Variants in REV3L observed in about 807,000 individuals in gnomAD.
REV3L encodes REV3 like, DNA directed polymerase zeta catalytic subunit.
In REV3L, 69 loss-of-function variants were observed where a neutral mutation model predicts 299.4. The ratio of observed to expected loss-of-function variants is 0.23; its 90% CI spans 0.19 to 0.28. The LOEUF is 0.28. Ranked by LOEUF, REV3L falls within the 10% of genes least tolerant of loss-of-function variation. The pLI, the probability that REV3L is intolerant of heterozygous loss-of-function variation, is 1.00. For synonymous variants in REV3L, 1,238 were observed against 1,271.4 expected, an observed-to-expected ratio of 0.97 and a Z score of 0.56; for missense variants, 3,128 against 3,693.8, an observed-to-expected ratio of 0.85 and a Z score of 3.97.
rs375270564 is a variant in REV3L, at chr6:111,373,871, G to A, written c.4484C>T (p.Ser1495Leu). The change falls in exon 13 of 32, where the codon TCG becomes TTG. Residue 1495 changes from serine to leucine, a missense_variant. By Grantham distance (145) the Ser-to-Leu change is moderately radical. This residue lies in a region of REV3L where 2,409 missense variants were observed against 2,611.8 expected (regional missense o/e 0.92). Transcript: ENST00000368802. ...GGTTTGTGAAATTGCTTCTGATAAC[G>A]ACCTCGGTTTTACTCTTTCAGGTTT... ...NFKPERVKPR[S>L]LSEAISQTKA... 6 of 1,613,848 alleles carry A rather than the reference G, an allele frequency of 3.7e-6. No homozygotes were observed. In the African/African-American group the frequency reaches 4.0e-5, roughly 11 times the overall value.
chr6:111,388,999 G>C (rs750834487), intron 7 of REV3L, 107 bp downstream of exon 7: 63 of 773,046 alleles, frequency 8.1e-5, no homozygotes, highest in Non-Finnish European at 1.2e-4. Context: ...AAAATATAAA[G>C]GTCATTTGAA....
Position 111,367,646 on chromosome 6 carries a change from C to A in REV3L, c.6142G>T (p.Val2048Leu). 2 of 1,614,154 alleles carry A rather than the reference C, an allele frequency of 1.2e-6. No individual in the cohort carries two copies. Among genetic ancestry groups the A allele is most frequent in the Admixed American group, 3.3e-5 (2 of 60,016 alleles). ...CTTACATCCATTTTTGGAGGCACTA[C>A]AGGTTTGTCATCTGGGTTAACTGAA... ...SSSVNPDDKP[V>L]VPPKMDVSPC... Residue 2048 changes from valine (V) to leucine (L), a missense_variant, in exon 14 of 32, where the codon GTA (valine) becomes TTA (leucine). Physicochemically the swap from Val to Leu is conservative, Grantham distance 32. Coordinates refer to ENST00000368802, the MANE Select transcript of REV3L (RefSeq NM_001372078.1).
intron 1 of REV3L, among the ~76,000 whole-genome samples, chr6:111,452,674 G>A (rs986355794): frequency 6.6e-6 from 1 of 152,082 alleles, no homozygotes; most frequent in Non-Finnish European, 1.5e-5. Flanking sequence ...GGAGCACAAG[G>A]GAACTTTTTA....
chr6:111,412,527 T>TA (rs113090957), intron 2 of REV3L, among the ~76,000 whole-genome samples: 8 of 152,250 alleles, frequency 5.3e-5, no homozygotes, highest in African/African-American at 1.9e-4. Context: ...AGTGGTCTGT[T>TA]AATACACGGT....
intron 31 of REV3L, among the ~76,000 whole-genome samples, chr6:111,301,868 T>C (rs140150547): frequency 6.6e-6 from 1 of 152,260 alleles, no homozygotes; most frequent in East Asian, 1.9e-4. Flanking sequence ...TTAAAAAGGA[T>C]GCCAATGAAG....
At chr6:111,439,075 T>C (rs115713299) in intron 1 of REV3L, among the ~76,000 whole-genome samples, 5,464 of 152,286 alleles carry the variant, frequency 0.036, 327 homozygotes, top group African/African-American at 0.12. Context: ...TTTTGCATTG[T>C]TGGAATTTGC....
intron 1 of REV3L, among the ~76,000 whole-genome samples, chr6:111,426,176 A>G (rs944354359): frequency 1.3e-5 from 2 of 152,164 alleles, no homozygotes; most frequent in Non-Finnish European, 2.9e-5. Flanking sequence ...TAGGGTATAC[A>G]TTAGTAGTAG....
At chr6:111,342,348 A>G (rs1776581706) in intron 21 of REV3L, among the ~76,000 whole-genome samples, 1 of 152,124 alleles carries the variant, frequency 6.6e-6, no homozygotes, top group South Asian at 2.1e-4. Flanking sequence ...TGGGAAGAGC[A>G]GGAGTGCTGA....
upstream of REV3L, chr6:111,483,521 G>A (rs528148869): frequency 8.1e-5 from 42 of 517,716 alleles, no homozygotes; most frequent in South Asian, 6.6e-4. Flanking sequence ...CGAGGGGCTT[G>A]CGGGAGGGGG....
chr6:111,412,766 TAA>T lies in REV3L; in HGVS notation c.330-1214_330-1213del, dbSNP rs61259712. 2.2e-3 allele frequency among the ~76,000 whole-genome samples: 316 copies of T among 144,382 alleles called. 1 individual carries two copies. The highest frequency in any genetic ancestry group is 7.5e-3 in the African/African-American group (292 of 38,976). 94.7% of individuals were successfully genotyped at this position (144,382 alleles called of 152,430 possible). A position where few individuals can be genotyped will look rare whatever the true frequency, so the allele number is the denominator to read the frequency against. ...ATTATTGTTATAAAGTAATTTCTGT[TAA>T]AAAAAAAAAAAAACAACTATTTACC... On this transcript the variant is annotated intron_variant, in intron 2 of 31. Coordinates refer to ENST00000368802, the MANE Select transcript of REV3L (RefSeq NM_001372078.1).
chr6:111,410,260 A>G (rs2128279647), intron 3 of REV3L, among the ~76,000 whole-genome samples: 1 of 152,370 alleles, frequency 6.6e-6, no homozygotes, highest in East Asian at 1.9e-4. Context: ...CCATTAATAA[A>G]TCAGGAATTT....
chr6:111,412,168 C>T, intron 2 of REV3L: 1 of 985,284 alleles, frequency 1.0e-6, no homozygotes, highest in Non-Finnish European at 1.2e-6. Context: ...AAACCTGTAA[C>T]ACACAACCAT....
At chr6:111,444,781 T>C (rs997546580) in intron 1 of REV3L, among the ~76,000 whole-genome samples, 1 of 152,188 alleles carries the variant, frequency 6.6e-6, no homozygotes, top group Non-Finnish European at 1.5e-5. Flanking sequence ...TTAGACTTAT[T>C]TGAAAGGAAA....
chr6:111,401,750 A>C (rs1783103786), intron 4 of REV3L, among the ~76,000 whole-genome samples: 1 of 152,226 alleles, frequency 6.6e-6, no homozygotes, highest in African/African-American at 2.4e-5. Context: ...TGGAGAGACA[A>C]AACAAATAAA....
At chr6:111,387,481 G>T (rs1423901775) in intron 9 of REV3L, among the ~76,000 whole-genome samples, 1 of 152,118 alleles carries the variant, frequency 6.6e-6, no homozygotes, top group Non-Finnish European at 1.5e-5. Flanking sequence ...ACGCCAAGCA[G>T]AACATCATTT....
At chr6:111,412,015 T>A in intron 2 of REV3L, 2 of 985,434 alleles carry the variant, frequency 2.0e-6, no homozygotes, top group Non-Finnish European at 2.4e-6. Flanking sequence ...ACTGAAGTTC[T>A]TCTTCAACAA....
chr6:111,410,305 TA>T (rs1204418660), intron 3 of REV3L, among the ~76,000 whole-genome samples: 4 of 152,244 alleles, frequency 2.6e-5, no homozygotes, highest in African/African-American at 4.8e-5. Context: ...CTATATAATT[TA>T]AAGCAAACTT....
chr6:111,307,171 AAAT>A (rs1445298745), intron 31 of REV3L, among the ~76,000 whole-genome samples, 187 bp downstream of exon 31: 2 of 152,226 alleles, frequency 1.3e-5, no homozygotes, highest in East Asian at 3.8e-4. Context: ...AAAAAACAAA[AAAT>A]AAATTATAAA....
intron 26 of REV3L, among the ~76,000 whole-genome samples, chr6:111,319,708 C>T (rs893345349): frequency 6.6e-6 from 1 of 152,136 alleles, no homozygotes; most frequent in Non-Finnish European, 1.5e-5. Flanking sequence ...AGATTTCCTT[C>T]ATTTTGATGA....
Sources: allele counts gnomAD v4.1 joint callset (sites outside exome capture counted in the v4.1 genomes callset), GRCh38; gene constraint gnomAD v4.1.1; regional missense constraint gnomAD v4.1.1; transcripts MANE v1.5; gene names NCBI Gene and HGNC (gene_info 2026-07-23, HGNC 2026-07-21).